Variants in RELN observed in about 807,000 individuals in gnomAD.
RELN encodes the protein reelin.
RELN carries 108 observed loss-of-function variants against 427.6 expected under a neutral mutation model. The observed-to-expected ratio is 0.25, with a 90% CI of 0.22 to 0.30. The LOEUF (loss-of-function observed/expected upper bound fraction) is 0.30, where lower values mean the gene tolerates loss of function less well. Ranked by LOEUF, RELN falls within the 10% of genes least tolerant of loss-of-function variation. The pLI, the probability that RELN is intolerant of heterozygous loss-of-function variation, is 1.00. For missense variants in RELN, 3,715 were observed against 4,302.8 expected (o/e 0.86, Z 3.82); for synonymous variants, 1,524 against 1,513.4 (o/e 1.01, Z -0.16).
intron 2 of RELN, among the ~76,000 whole-genome samples, chr7:103,908,745 A>T (rs1795274119): frequency 6.6e-6 from 1 of 152,224 alleles, no homozygotes; most frequent in African/African-American, 2.4e-5. Context: ...AACTAGATAA[A>T]ACTAGTTCTT....
Position 103,645,780 on chromosome 7 carries a change from G to T in RELN, c.2002+4494C>A, listed in dbSNP as rs183155097. On this transcript the variant is annotated intron_variant, in intron 16 of 64. Coordinates refer to ENST00000428762, the MANE Select transcript of RELN (RefSeq NM_005045.4). ...ACTTAAATTGGACTTTAGGACAAATGAACCTAACAGACATTTACAGAATAT... is the reference window on the plus strand; with the variant it reads ...ACTTAAATTGGACTTTAGGACAAATTAACCTAACAGACATTTACAGAATAT... Among the ~76,000 whole-genome samples the T allele has an allele frequency of 5.3e-4, 80 of 151,910 alleles. 2 individuals carry two copies. The highest frequency in any genetic ancestry group is 1.8e-3 in the African/African-American group (75 of 41,510).
At chr7:103,772,430 CTGTGAAGATTAGATGAGT>C (rs1022328629) in intron 4 of RELN, among the ~76,000 whole-genome samples, 3 of 152,292 alleles carry the variant, frequency 2.0e-5, no homozygotes, top group South Asian at 2.1e-4. Flanking sequence ...CAGAGGGTTG[CTGTGAAGATTAGATGAGT>C]TGTGAAGATT....
intron 1 of RELN, among the ~76,000 whole-genome samples, chr7:103,934,993 C>T (rs951037617): frequency 2.6e-5 from 4 of 152,186 alleles, no homozygotes; most frequent in Admixed American, 6.5e-5. Flanking sequence ...AAAGACATCT[C>T]CAATCACTGT....
At chr7:103,955,689 C>T (rs1343220580) in intron 1 of RELN, among the ~76,000 whole-genome samples, 2 of 152,056 alleles carry the variant, frequency 1.3e-5, no homozygotes, top group African/African-American at 2.4e-5. Context: ...TGTAAGGCCC[C>T]GATCTACATG....
intron 2 of RELN, among the ~76,000 whole-genome samples, chr7:103,876,182 GATGAA>G (rs1455714423): frequency 6.6e-6 from 1 of 152,128 alleles, no homozygotes; most frequent in African/African-American, 2.4e-5. Flanking sequence ...TGTACGGAAA[GATGAA>G]AAGAAAGGCA....
Position 103,933,895 on chromosome 7 carries a change from TAGAG to T in RELN, c.227-16714_227-16711del, listed in dbSNP as rs369767702. Among the ~76,000 whole-genome samples the T allele has an allele frequency of 1.1e-4, 17 of 152,190 alleles. No homozygotes were observed. The South Asian group carries it at 3.1e-3, about 28-fold the overall frequency. The stretch of plus-strand genomic sequence containing the variant: ...TGTTGTTTTCCACTTTCTCAATAAA[TAGAG>T]AGAACCACAGGGGAGCAGAGGGTTC... On this transcript the variant is annotated intron_variant, in intron 1 of 64. Transcript: ENST00000428762.
chr7:103,512,324 A>T (rs1829445943), intron 50 of RELN, among the ~76,000 whole-genome samples: 2 of 152,212 alleles, frequency 1.3e-5, no homozygotes, highest in South Asian at 4.1e-4. Flanking sequence ...ATAAAATCTT[A>T]TTAAATAGAT....
intron 7 of RELN, among the ~76,000 whole-genome samples, chr7:103,727,353 G>C (rs773324022): frequency 1.2e-4 from 18 of 152,060 alleles, no homozygotes; most frequent in Non-Finnish European, 2.4e-4. Context: ...GAGTATTAGG[G>C]ACAAAGGAAT....
intron 3 of RELN, among the ~76,000 whole-genome samples, chr7:103,798,177 C>T (rs1168398860): frequency 1.3e-5 from 2 of 152,162 alleles, no homozygotes; most frequent in Admixed American, 1.3e-4. Flanking sequence ...ACTGAATATA[C>T]CTCATTGTGA....
intron 2 of RELN, among the ~76,000 whole-genome samples, chr7:103,841,404 G>A (rs1231089905): frequency 6.6e-6 from 1 of 152,102 alleles, no homozygotes; most frequent in East Asian, 1.9e-4. Flanking sequence ...CTTTGTCAAA[G>A]TTGTGGTTGA....
At chr7:103,644,480 C>T (rs1387325936) in intron 16 of RELN, among the ~76,000 whole-genome samples, 4 of 146,628 alleles carry the variant, frequency 2.7e-5, no homozygotes, top group African/African-American at 5.0e-5. Flanking sequence ...GAAGGAATTA[C>T]AAAACATAGT....
At position 103,777,589 on chromosome 7, in the gene RELN, A is replaced by G. The variant is rs187133421; in HGVS notation, c.474-962T>C. Among the ~76,000 whole-genome samples the G allele has an allele frequency of 2.5e-3, 380 of 152,298 alleles. 2 individuals carry two copies. Among genetic ancestry groups the G allele is most frequent in the Non-Finnish European group, 4.5e-3 (309 of 68,026 alleles). On this transcript the variant is annotated intron_variant, in intron 3 of 64. Coordinates refer to ENST00000428762, the MANE Select transcript of RELN (RefSeq NM_005045.4). Reference sequence around the variant, plus strand: ...CGACAGGGCGAAGTTTAGCCTATGTATTCCCCCTTGATATGCGTGCCCTTC... The same window carrying G: ...CGACAGGGCGAAGTTTAGCCTATGTGTTCCCCCTTGATATGCGTGCCCTTC...
At chr7:103,793,604 A>G (rs915895058) in intron 3 of RELN, among the ~76,000 whole-genome samples, 11 of 152,220 alleles carry the variant, frequency 7.2e-5, no homozygotes, top group South Asian at 2.1e-4. Context: ...TAGAATAGTA[A>G]AAGTTCCAGC....
At chr7:103,944,656 C>T (rs970380372) in intron 1 of RELN, among the ~76,000 whole-genome samples, 3 of 152,128 alleles carry the variant, frequency 2.0e-5, no homozygotes, top group Admixed American at 2.0e-4. Context: ...GAATCCCTGA[C>T]TGATAAAATT....
intron 8 of RELN, among the ~76,000 whole-genome samples, chr7:103,706,204 A>G (rs1834196274): frequency 6.6e-6 from 1 of 151,092 alleles, no homozygotes; most frequent in South Asian, 2.1e-4. Context: ...AGGGAAAGAG[A>G]AGAATCTCCT....
In RELN at chr7:103,508,032, G is replaced by T. The variant is rs180685911; in HGVS notation, c.8274+2819C>A. Among the ~76,000 whole-genome samples the T allele has an allele frequency of 2.6e-5, 4 of 152,254 alleles. No homozygotes were observed. In the East Asian group the frequency reaches 7.7e-4, roughly 29 times the overall value. On this transcript the variant is annotated intron_variant, in intron 51 of 64. Transcript: ENST00000428762. Reference sequence around the variant, plus strand: ...ACCAATAACAATTTCTGAAATTGAGGCAGTAATTAATAGCCTACTAAACAA... The same window carrying T: ...ACCAATAACAATTTCTGAAATTGAGTCAGTAATTAATAGCCTACTAAACAA...
chr7:103,878,706 T>G (rs1322986349), intron 2 of RELN, among the ~76,000 whole-genome samples: 1 of 152,214 alleles, frequency 6.6e-6, no homozygotes, highest in Non-Finnish European at 1.5e-5. Context: ...GGGGGCAGGA[T>G]ATCAAAACAC....
chr7:103,729,278 C>T (rs1482150983), intron 6 of RELN, among the ~76,000 whole-genome samples: 1 of 152,114 alleles, frequency 6.6e-6, no homozygotes, highest in Non-Finnish European at 1.5e-5. Context: ...TTGTATTATA[C>T]CCTTTCAGCC....
intron 1 of RELN, among the ~76,000 whole-genome samples, chr7:103,956,442 C>T (rs970808129): frequency 1.1e-4 from 17 of 152,086 alleles, no homozygotes; most frequent in Admixed American, 4.6e-4. Context: ...GAAACAGACA[C>T]GAAATGAGAG....
Sources: gnomAD v4.1 joint callset for allele counts (sites outside exome capture counted in the v4.1 genomes callset) on GRCh38, gnomAD v4.1.1 for gene constraint, MANE v1.5 for transcripts, NCBI Gene and HGNC (gene_info 2026-07-23, HGNC 2026-07-21) for gene names.